CIT: variants seen among roughly 807,000 people sequenced by gnomAD.
CIT encodes citron rho-interacting serine/threonine kinase.
Under a neutral mutation model 272.7 loss-of-function variants are expected in CIT, and 79 were observed. The ratio of observed to expected loss-of-function variants is 0.29; its 90% confidence interval spans 0.24 to 0.35. The LOEUF (loss-of-function observed/expected upper bound fraction) is 0.35, where lower values mean the gene tolerates loss of function less well. CIT is among the 10% of genes least tolerant of loss of function. CIT has a pLI of 1.00. For missense variants in CIT, 1,909 were observed against 2,618.3 expected (o/e 0.73, Z 5.91); for synonymous variants, 948 against 995.6 (o/e 0.95, Z 0.90).
intron 32 of CIT, among the ~76,000 whole-genome samples, chr12:119,716,358 G>A (rs1326626204): frequency 1.8e-5 from 2 of 113,956 alleles, no homozygotes; most frequent in Non-Finnish European, 3.3e-5. Context: ...AAGCCTGGGC[G>A]ACAGAGCGAG....
At chr12:119,700,908 G>A in intron 43 of CIT, 83 bp from the exon 44 acceptor site, 6 of 1,156,590 alleles carry the variant, frequency 5.2e-6, no homozygotes, top group Non-Finnish European at 7.8e-6. Flanking sequence ...GAAGAATGAG[G>A]AGCAGAGCCC....
At chr12:119,867,640 G>C (rs1950552277) in intron 3 of CIT, among the ~76,000 whole-genome samples, 1 of 152,096 alleles carries the variant, frequency 6.6e-6, no homozygotes, top group Non-Finnish European at 1.5e-5. Context: ...TAAGGTGTTT[G>C]GTGGCATCTC....
intron 10 of CIT, among the ~76,000 whole-genome samples, chr12:119,795,926 C>T (rs1248463610): frequency 6.6e-6 from 1 of 152,240 alleles, no homozygotes; most frequent in East Asian, 1.9e-4. Flanking sequence ...GTTGTCTACA[C>T]TGTGCAGAAG....
chr12:119,764,086 G>C (rs1962138646), intron 19 of CIT, among the ~76,000 whole-genome samples: 1 of 152,180 alleles, frequency 6.6e-6, no homozygotes, highest in Non-Finnish European at 1.5e-5. Context: ...AGTTTTTATA[G>C]CCTCAGTGGT....
At chr12:119,801,511 C>T (rs756497569) in intron 10 of CIT, among the ~76,000 whole-genome samples, 9 of 152,172 alleles carry the variant, frequency 5.9e-5, no homozygotes, top group Non-Finnish European at 8.8e-5. Flanking sequence ...AATCCTCCCT[C>T]GTCTTTCAGA....
intron 23 of CIT, among the ~76,000 whole-genome samples, chr12:119,747,711 T>G (rs1001252046): frequency 6.6e-6 from 1 of 152,006 alleles, no homozygotes; most frequent in Non-Finnish European, 1.5e-5. Context: ...AGAGTGAGAC[T>G]CCGTCTCAAA....
At chr12:119,823,595 G>A (rs1006894342) in intron 8 of CIT, among the ~76,000 whole-genome samples, 4 of 152,132 alleles carry the variant, frequency 2.6e-5, no homozygotes, top group African/African-American at 9.7e-5. Context: ...TCAAGAGGAG[G>A]CTCAAGAATA....
At position 119,770,724 on chromosome 12, in the gene CIT, C is replaced by G. The variant is rs1022843741; in HGVS notation, c.2208+61G>C. On this transcript the variant is annotated intron_variant, in intron 18 of 47. Transcript: ENST00000392521. This position sits in a 1 kb window ranked among gnomAD's most constrained non-coding sequence, Gnocchi z 4.4. The stretch of plus-strand genomic sequence containing the variant: ...TGGCGGTTAATTCTTCTTCTTACCC[C>G]CTTCCCTTTGCAAACTCTAACCTGT... The G allele has an allele frequency of 1.8e-4, 280 of 1,599,320 alleles. No individual in the cohort carries two copies. The highest frequency in any genetic ancestry group is 9.4e-4 in the Admixed American group (56 of 59,688).
At chr12:119,715,157 A>G (rs146121387) in intron 32 of CIT, among the ~76,000 whole-genome samples, 264 of 152,310 alleles carry the variant, frequency 1.7e-3, no homozygotes, top group Middle Eastern at 0.01. Flanking sequence ...GCCACATGAG[A>G]CATGCCTTTT....
chr12:119,817,322 T>C (rs1275666453), intron 9 of CIT, among the ~76,000 whole-genome samples: 1 of 151,896 alleles, frequency 6.6e-6, no homozygotes, highest in African/African-American at 2.4e-5. Context: ...CCATCCTGGC[T>C]AACATGGTAA....
intron 3 of CIT, among the ~76,000 whole-genome samples, chr12:119,863,733 T>C (rs1009944865): frequency 4.0e-5 from 6 of 151,672 alleles, no homozygotes; most frequent in Admixed American, 2.6e-4. Context: ...GGTTTCACCA[T>C]GTTGGCCAGG....
chr12:119,748,778 G>A (rs952669835), intron 23 of CIT, among the ~76,000 whole-genome samples: 3 of 152,168 alleles, frequency 2.0e-5, no homozygotes, highest in Non-Finnish European at 4.4e-5. Flanking sequence ...TGACAGAATC[G>A]GTAAAAGAAC....
Position 119,730,606 on chromosome 12 carries a change from G to A in CIT, c.3375C>T (p.Thr1125=), listed in dbSNP as rs1342463844. Residue 1125 remains threonine (T), a synonymous_variant, in exon 27 of 48, where the codon ACC becomes ACT. Coordinates refer to ENST00000392521, the MANE Select transcript of CIT (RefSeq NM_001206999.2). ...QSRARADQRI[T]ESRQVVELAV... is the part of the protein sequence containing the mutation. The stretch of plus-strand genomic sequence containing the variant: ...CCAGCTCCACCACCTGGCGAGACTC[G>A]GTGATCCGCTGATCGGCTCTCGCCC... 3.7e-6 allele frequency: 6 copies of A among 1,613,896 alleles called. No homozygotes were observed. The highest frequency in any genetic ancestry group is 1.1e-5 in the South Asian group (1 of 91,070).
chr12:119,718,644 T>A lies in CIT; in HGVS notation c.4003+55A>T. The A allele has an allele frequency of 6.2e-7, 1 of 1,606,420 alleles. No homozygotes were observed. The highest frequency in any genetic ancestry group is 8.5e-7 in the Non-Finnish European group (1 of 1,175,650). On this transcript the variant is annotated intron_variant, in intron 31 of 47. Transcript: ENST00000392521. The surrounding 1 kb of genome is among the most constrained non-coding windows in gnomAD (Gnocchi z 4.8). ...TTAGTCTTGGCTGATCTCACTGAGATCAATCCTCTGCCTTTTCCACATCCT... is the reference window on the plus strand; with the variant it reads ...TTAGTCTTGGCTGATCTCACTGAGAACAATCCTCTGCCTTTTCCACATCCT...
At chr12:119,752,420 G>A (rs533482829) in intron 22 of CIT, among the ~76,000 whole-genome samples, 173 bp from the exon 23 acceptor site, 57 of 152,312 alleles carry the variant, frequency 3.7e-4, no homozygotes, top group African/African-American at 1.3e-3. Context: ...TGAGTTCCAT[G>A]CATCTCTGAA....
chr12:119,700,681 G>A (rs756920334), intron 44 of CIT, 64 bp downstream of exon 44: 5 of 1,341,746 alleles, frequency 3.7e-6, no homozygotes, highest in South Asian at 2.3e-5. Context: ...GCACCCGGAT[G>A]CAATTCTTTT....
At chr12:119,787,730 C>CAAAAAAAA (rs61554565) in intron 10 of CIT, among the ~76,000 whole-genome samples, 20 of 49,046 alleles carry the variant, frequency 4.1e-4, no homozygotes, top group Non-Finnish European at 5.5e-4. Flanking sequence ...GACTCCGTCT[C>CAAAAAAAA]AAAAAAAAAA....
intron 10 of CIT, among the ~76,000 whole-genome samples, chr12:119,787,174 AG>A (rs1164019761): frequency 1.3e-5 from 2 of 151,970 alleles, no homozygotes; most frequent in African/African-American, 4.8e-5. Flanking sequence ...CATGTTGCCC[AG>A]GCTGGTCTCA....
intron 24 of CIT, among the ~76,000 whole-genome samples, chr12:119,736,886 T>C (rs1958796000): frequency 6.6e-6 from 1 of 152,092 alleles, no homozygotes; most frequent in South Asian, 2.1e-4. Flanking sequence ...CCTACCTCTT[T>C]CCCAAAGAAA....
Sources: gnomAD v4.1 joint callset for allele counts (sites outside exome capture counted in the v4.1 genomes callset) on GRCh38, gnomAD v4.1.1 for gene constraint, Gnocchi (gnomAD v3.1) non-coding constraint, MANE v1.5 for transcripts, NCBI Gene and HGNC (gene_info 2026-07-23, HGNC 2026-07-21) for gene names.